WWOX: variants seen among roughly 807,000 people sequenced by gnomAD.
The protein encoded by WWOX is WW domain-containing oxidoreductase.
In WWOX, 69 loss-of-function variants were observed where a neutral mutation model predicts 46.2. The observed-to-expected ratio is 1.49, with a 90% CI of 1.23 to 1.82. The LOEUF (loss-of-function observed/expected upper bound fraction) is 1.82. Among genes scored for constraint, WWOX ranks in the 40% most tolerant of loss-of-function variants. WWOX has a pLI of 0.00. For synonymous variants in WWOX, 359 were observed against 202.6 expected, an observed-to-expected ratio of 1.77 and a Z score of -6.56; for missense variants, 919 against 542.6, an observed-to-expected ratio of 1.69 and a Z score of -6.89.
intron 8 of WWOX, among the ~76,000 whole-genome samples, chr16:78,864,208 A>G (rs1367020655): frequency 6.6e-6 from 1 of 152,078 alleles, no homozygotes; most frequent in East Asian, 1.9e-4. Flanking sequence ...GAATTATTTT[A>G]TAAATTTTTG....
chr16:78,907,485 G>A (rs913386825), intron 8 of WWOX, among the ~76,000 whole-genome samples: 4 of 152,144 alleles, frequency 2.6e-5, no homozygotes, highest in African/African-American at 7.2e-5. Flanking sequence ...CTTTACAAAG[G>A]CAGTTTAGTT....
At chr16:78,482,268 C>T (rs555672719) in intron 8 of WWOX, among the ~76,000 whole-genome samples, 1 of 152,216 alleles carries the variant, frequency 6.6e-6, no homozygotes, top group Non-Finnish European at 1.5e-5. Context: ...CAGAGTCTTG[C>T]TCTTTTGGCC....
intron 8 of WWOX, among the ~76,000 whole-genome samples, chr16:78,581,428 G>A (rs182159079): frequency 6.6e-6 from 1 of 152,104 alleles, no homozygotes; most frequent in Non-Finnish European, 1.5e-5. Flanking sequence ...ACAGGAACTG[G>A]TTTTATTTTA....
chr16:78,639,271 G>A (rs1197969804), intron 8 of WWOX, among the ~76,000 whole-genome samples: 4 of 152,154 alleles, frequency 2.6e-5, no homozygotes, highest in African/African-American at 7.2e-5. Flanking sequence ...CCCAGGCATC[G>A]ATGACACACG....
chr16:79,007,000 C>T (rs978222365), intron 8 of WWOX, among the ~76,000 whole-genome samples: 5 of 152,138 alleles, frequency 3.3e-5, no homozygotes, highest in South Asian at 2.1e-4. Context: ...CGTAACCTAA[C>T]ATATTCACAG....
Position 78,834,713 on chromosome 16 carries a change from T to C in WWOX, c.1057-376895T>C, listed in dbSNP as rs960675607. 4.6e-5 allele frequency among the ~76,000 whole-genome samples: 7 copies of C among 152,146 alleles called. No individual in the cohort carries two copies. In the South Asian group the frequency reaches 6.2e-4, roughly 14 times the overall value. ...TTTTGTATATTGCAGAGATAATTTA[T>C]AGATACAGGTACAAAGGGGATACAG... On this transcript the variant is annotated intron_variant, in intron 8 of 8. Transcript: ENST00000566780.
chr16:78,730,030 G>C (rs935679885), intron 8 of WWOX, among the ~76,000 whole-genome samples: 2 of 152,154 alleles, frequency 1.3e-5, no homozygotes, highest in African/African-American at 4.8e-5. Context: ...TGTTTCTTAT[G>C]ATAAGTAACA....
intron 4 of WWOX, among the ~76,000 whole-genome samples, chr16:78,134,951 A>G (rs1297251609): frequency 6.6e-6 from 1 of 152,236 alleles, no homozygotes. Flanking sequence ...ATTTCTGGTG[A>G]CAAATGGTGC....
intron 8 of WWOX, among the ~76,000 whole-genome samples, chr16:78,549,039 A>T: frequency 6.6e-6 from 1 of 152,206 alleles, no homozygotes; most frequent in East Asian, 1.9e-4. Flanking sequence ...GTGCCTTGAT[A>T]ATAAATATTT....
chr16:78,839,484 G>C (rs1166758025), intron 8 of WWOX, among the ~76,000 whole-genome samples: 1 of 152,144 alleles, frequency 6.6e-6, no homozygotes, highest in African/African-American at 2.4e-5. Flanking sequence ...ATTCAGAATG[G>C]ATGCATTTTA....
At position 79,110,344 on chromosome 16, in the gene WWOX, C is replaced by G. The variant is rs764095014; in HGVS notation, c.1057-101264C>G. Among the ~76,000 whole-genome samples the G allele has an allele frequency of 7.3e-4, 111 of 152,256 alleles. 1 individual carries two copies. The highest frequency in any genetic ancestry group is 1.3e-3 in the Non-Finnish European group (86 of 68,024). ...CCCGACATGCCCCTGCCAACCTCCCCCCATCATTCCAGCTGGGAGAGGCCA... is the reference window on the plus strand; with the variant it reads ...CCCGACATGCCCCTGCCAACCTCCCGCCATCATTCCAGCTGGGAGAGGCCA... On this transcript the variant is annotated intron_variant, in intron 8 of 8. Transcript: ENST00000566780.
At chr16:79,064,665 G>C (rs1273386141) in intron 8 of WWOX, among the ~76,000 whole-genome samples, 1 of 152,186 alleles carries the variant, frequency 6.6e-6, no homozygotes, top group East Asian at 1.9e-4. Context: ...TCGTGTTCCT[G>C]CAAGGATTAA....
At chr16:78,418,234 G>A (rs1226653830) in intron 6 of WWOX, among the ~76,000 whole-genome samples, 1 of 151,906 alleles carries the variant, frequency 6.6e-6, no homozygotes, top group East Asian at 1.9e-4. Context: ...CGTGGTGGCG[G>A]GCACCTGTAG....
chr16:78,305,071 C>T (rs1354844961), intron 5 of WWOX, among the ~76,000 whole-genome samples: 1 of 152,118 alleles, frequency 6.6e-6, no homozygotes, highest in Admixed American at 6.5e-5. Context: ...CCCCACCCTA[C>T]CTGGGAATCT....
chr16:79,077,034 G>A lies in WWOX; in HGVS notation c.1057-134574G>A, dbSNP rs1270920814. On this transcript the variant is annotated intron_variant, in intron 8 of 8. Coordinates refer to ENST00000566780, the MANE Select transcript of WWOX (RefSeq NM_016373.4). ...GTTTTTATAGGGAAAAACAGTAGCC[G>A]ATCATCAATTCCCTAAGGTTCCACG... is the stretch of plus-strand genomic sequence containing the variant. 5.3e-5 allele frequency among the ~76,000 whole-genome samples: 8 copies of A among 152,196 alleles called. No homozygotes were observed. In the South Asian group the frequency reaches 1.2e-3, roughly 24 times the overall value.
intron 5 of WWOX, among the ~76,000 whole-genome samples, chr16:78,327,180 C>T (rs185197013): frequency 1.5e-3 from 222 of 152,202 alleles, no homozygotes; most frequent in African/African-American, 5.2e-3. Context: ...TAAGTGGCAG[C>T]GATGGGACCA....
chr16:78,386,619 A>G (rs560603353), intron 5 of WWOX, among the ~76,000 whole-genome samples: 6 of 124,906 alleles, frequency 4.8e-5, no homozygotes, highest in South Asian at 6.1e-4. Flanking sequence ...ACACAGCACA[A>G]CCCACCCCCC....
rs546945755 is a variant in WWOX at position 78,350,777 on chromosome 16, G to A, written c.517-36083G>A. 1.0e-3 allele frequency among the ~76,000 whole-genome samples: 125 copies of A among 120,442 alleles called. 24 individuals are homozygous for A. Among genetic ancestry groups the A allele is most frequent in the African/African-American group, 3.4e-3 (121 of 35,534 alleles). 79.0% of individuals were successfully genotyped at this position (120,442 alleles called of 152,430 possible). A position where few individuals can be genotyped will look rare whatever the true frequency, so the allele number is the denominator to read the frequency against. The stretch of plus-strand genomic sequence containing the variant: ...CAGGTACACTTGTCTACACATTTTT[G>A]TGTGGATATAGGTTTACCTTTTTTG... On this transcript the variant is annotated intron_variant, in intron 5 of 8. Coordinates refer to ENST00000566780, the MANE Select transcript of WWOX (RefSeq NM_016373.4).
At chr16:78,614,361 A>G (rs2045971252) in intron 8 of WWOX, among the ~76,000 whole-genome samples, 2 of 152,232 alleles carry the variant, frequency 1.3e-5, no homozygotes, top group Admixed American at 1.3e-4. Context: ...TGGTAAAATC[A>G]TGCTTATCAT....
Sources: allele counts gnomAD v4.1 joint callset (sites outside exome capture counted in the v4.1 genomes callset), GRCh38; gene constraint gnomAD v4.1.1; transcripts MANE v1.5; gene names NCBI Gene and HGNC (gene_info 2026-07-23, HGNC 2026-07-21).